Variants in TNS3 observed in about 807,000 individuals in gnomAD.
The protein encoded by TNS3 is tensin 3.
A neutral mutation model predicts 140.9 loss-of-function variants in TNS3; 45 were observed. The observed-to-expected ratio is 0.32, with a 90% confidence interval of 0.25 to 0.41. TNS3 has a LOEUF of 0.41. Ranked by LOEUF, TNS3 falls within the 10% of genes least tolerant of loss-of-function variation. The probability of loss-of-function intolerance (pLI) is 1.00; values close to 1 mark genes in which losing one functional copy is unlikely to be tolerated. For synonymous variants in TNS3, 815 were observed against 788.4 expected (o/e 1.03, Z -0.56); for missense variants, 1,716 against 1,906.7 (o/e 0.90, Z 1.86).
At chr7:47,448,189 C>T (rs954522880) in intron 4 of TNS3, among the ~76,000 whole-genome samples, 1 of 152,226 alleles carries the variant, frequency 6.6e-6, no homozygotes, top group Non-Finnish European at 1.5e-5. Flanking sequence ...AGCACACTCA[C>T]CAGAAAGCCA....
intron 1 of TNS3, chr7:47,539,141 A>G (rs1562843088): frequency 2.2e-6 from 1 of 456,516 alleles, no homozygotes; most frequent in Non-Finnish European, 4.4e-6. Flanking sequence ...CCCCAGCAGG[A>G]TAAAACTCCT....
chr7:47,478,699 A>G (rs1797290502), intron 4 of TNS3, among the ~76,000 whole-genome samples: 2 of 152,094 alleles, frequency 1.3e-5, no homozygotes, highest in Non-Finnish European at 1.5e-5. Flanking sequence ...CCTAATATAC[A>G]TATATATTCA....
At chr7:47,551,244 T>C (rs1386006253) in intron 1 of TNS3, among the ~76,000 whole-genome samples, 1 of 152,236 alleles carries the variant, frequency 6.6e-6, no homozygotes, top group East Asian at 1.9e-4. Context: ...AAGGCTGGCC[T>C]GGTGTCCACT....
intron 28 of TNS3, among the ~76,000 whole-genome samples, chr7:47,282,982 G>A (rs1335731828): frequency 6.6e-6 from 1 of 152,066 alleles, no homozygotes; most frequent in African/African-American, 2.4e-5. Context: ...AGTGTCCCCT[G>A]CCGGCCTGTC....
chr7:47,338,312 A>C (rs1788747749), intron 20 of TNS3, among the ~76,000 whole-genome samples: 1 of 152,230 alleles, frequency 6.6e-6, no homozygotes, highest in Non-Finnish European at 1.5e-5. Context: ...CAATCCCTCC[A>C]GCAACGTATA....
chr7:47,417,277 A>G (rs1309697404), intron 10 of TNS3, among the ~76,000 whole-genome samples: 1 of 152,252 alleles, frequency 6.6e-6, no homozygotes, highest in Non-Finnish European at 1.5e-5. Context: ...GTCTTGTACC[A>G]TACTGTGGTC....
chr7:47,444,420 CATT>C (rs1445295058), intron 4 of TNS3, among the ~76,000 whole-genome samples: 20 of 152,230 alleles, frequency 1.3e-4, no homozygotes, highest in South Asian at 2.1e-4. Flanking sequence ...ATATAAACAG[CATT>C]ATATAACTCA....
chr7:47,444,908 G>T (rs1208198050), intron 4 of TNS3, among the ~76,000 whole-genome samples: 1 of 152,186 alleles, frequency 6.6e-6, no homozygotes, highest in South Asian at 2.1e-4. Context: ...CTGAGCTGGT[G>T]AAAAGTCAGA....
intron 16 of TNS3, among the ~76,000 whole-genome samples, chr7:47,390,560 GTA>G (rs1053758462): frequency 2.3e-4 from 35 of 152,316 alleles, no homozygotes; most frequent in Admixed American, 4.6e-4. Flanking sequence ...GTTCATCAAG[GTA>G]TCCACTTAAA....
chr7:47,410,593 G>C (rs942071193), intron 13 of TNS3, among the ~76,000 whole-genome samples: 2 of 152,168 alleles, frequency 1.3e-5, no homozygotes, highest in African/African-American at 2.4e-5. Context: ...TTTGATTTTT[G>C]TAAGAATTCA....
chr7:47,299,955 G>A (rs373411454), intron 23 of TNS3, among the ~76,000 whole-genome samples: 7 of 152,308 alleles, frequency 4.6e-5, no homozygotes, highest in African/African-American at 1.7e-4. Flanking sequence ...ATCTGGAGAA[G>A]CAACACCCCA....
intron 16 of TNS3, among the ~76,000 whole-genome samples, chr7:47,384,640 T>G (rs922424887): frequency 6.6e-6 from 1 of 152,228 alleles, no homozygotes; most frequent in African/African-American, 2.4e-5. Context: ...TCAGGAGTGG[T>G]GGCCAGGACT....
At chr7:47,341,900 G>C (rs1789039370) in intron 20 of TNS3, among the ~76,000 whole-genome samples, 1 of 151,936 alleles carries the variant, frequency 6.6e-6, no homozygotes, top group South Asian at 2.1e-4. Context: ...CACAATTTTT[G>C]ATATTTTATC....
At chr7:47,284,175 G>T (rs1387854626) in intron 27 of TNS3, among the ~76,000 whole-genome samples, 1 of 152,228 alleles carries the variant, frequency 6.6e-6, no homozygotes, top group Non-Finnish European at 1.5e-5. Context: ...CCCTGCAGCA[G>T]TATTAAACCC....
chr7:47,319,840 C>T (rs1787629198), intron 20 of TNS3, among the ~76,000 whole-genome samples: 1 of 152,192 alleles, frequency 6.6e-6, no homozygotes, highest in African/African-American at 2.4e-5. Context: ...GTTTCAGAAA[C>T]TGGAAGACTG....
chr7:47,543,268 A>G (rs1190172034), intron 1 of TNS3, among the ~76,000 whole-genome samples: 7 of 152,222 alleles, frequency 4.6e-5, no homozygotes, highest in Non-Finnish European at 1.0e-4. Context: ...TGGGACATTC[A>G]GGAAGTGTTC....
chr7:47,471,069 A>G (rs1305835262), intron 4 of TNS3, among the ~76,000 whole-genome samples: 1 of 152,092 alleles, frequency 6.6e-6, no homozygotes, highest in Non-Finnish European at 1.5e-5. Flanking sequence ...GCTGCTGGGA[A>G]GCCTCCTCAC....
At chr7:47,372,749 A>T (rs979703631) in intron 16 of TNS3, among the ~76,000 whole-genome samples, 3 of 152,228 alleles carry the variant, frequency 2.0e-5, no homozygotes, top group African/African-American at 7.2e-5. Context: ...AATACATGAA[A>T]GTACAGCCAT....
rs367601005 is a variant in TNS3 at position 47,544,479 on chromosome 7, G to A, written c.-264-15332C>T. ...CATGAGGGGAGACTCTGCATGAATG[G>A]GGTTAATGCCTTTAAGAAAGGGACC... On this transcript the variant is annotated intron_variant, in intron 1 of 30. Transcript: ENST00000311160. 6.6e-5 allele frequency among the ~76,000 whole-genome samples: 10 copies of A among 152,162 alleles called. No individual in the cohort carries two copies. The East Asian group carries it at 1.9e-3, about 30-fold the overall frequency.
Sources: allele counts gnomAD v4.1 joint callset (sites outside exome capture counted in the v4.1 genomes callset), GRCh38; gene constraint gnomAD v4.1.1; transcripts MANE v1.5; gene names NCBI Gene and HGNC (gene_info 2026-07-23, HGNC 2026-07-21).